The following F13A1 variants were observed in gnomAD, a reference collection of about 807,000 sequenced individuals.
F13A1 encodes coagulation factor XIII A chain.
In F13A1, 47 loss-of-function variants were observed where a neutral mutation model predicts 80.1. The observed-to-expected ratio is 0.59, with a 90% confidence interval of 0.46 to 0.75. The LOEUF (loss-of-function observed/expected upper bound fraction) is 0.75, where lower values mean the gene tolerates loss of function less well. F13A1 is among the 30% of genes least tolerant of loss of function. The probability of loss-of-function intolerance (pLI) is 0.00; values close to 1 mark genes in which losing one functional copy is unlikely to be tolerated. For synonymous variants in F13A1, 349 were observed against 344.9 expected (o/e 1.01, Z -0.13); for missense variants, 817 against 930.4 (o/e 0.88, Z 1.59).
chr6:6,197,096 G>A (rs1761303984), intron 9 of F13A1, 127 bp downstream of exon 9: 1 of 794,180 alleles, frequency 1.3e-6, no homozygotes, highest in Non-Finnish European at 2.2e-6. Context: ...TACTGTACAT[G>A]TGCCCAGGAA....
At chr6:6,166,057 A>G (rs1406817170) in intron 13 of F13A1, among the ~76,000 whole-genome samples, 3 of 152,218 alleles carry the variant, frequency 2.0e-5, no homozygotes, top group Non-Finnish European at 4.4e-5. Flanking sequence ...ACCAGACCAT[A>G]AGAACGTTCA....
At chr6:6,223,587 T>A (rs534266091) in intron 7 of F13A1, among the ~76,000 whole-genome samples, 2 of 152,212 alleles carry the variant, frequency 1.3e-5, no homozygotes, top group African/African-American at 4.8e-5. Flanking sequence ...CCAAGAAATA[T>A]GTATTCCTTC....
intron 4 of F13A1, among the ~76,000 whole-genome samples, chr6:6,264,143 C>T (rs1038271778): frequency 1.3e-5 from 2 of 152,198 alleles, no homozygotes; most frequent in African/African-American, 2.4e-5. Flanking sequence ...ATTAGATTGT[C>T]CACCTCCTGA....
chr6:6,291,490 C>T (rs1410656085), intron 3 of F13A1, among the ~76,000 whole-genome samples: 1 of 152,164 alleles, frequency 6.6e-6, no homozygotes, highest in Non-Finnish European at 1.5e-5. Flanking sequence ...CATTTCCTCA[C>T]ATCTCCTTGA....
At chr6:6,280,328 C>T (rs977882206) in intron 3 of F13A1, among the ~76,000 whole-genome samples, 4 of 152,122 alleles carry the variant, frequency 2.6e-5, no homozygotes, top group Non-Finnish European at 4.4e-5. Flanking sequence ...ACTAATGCCA[C>T]ATGAGAATAA....
chr6:6,311,045 T>C (rs1211115239), intron 2 of F13A1, among the ~76,000 whole-genome samples: 106 of 151,276 alleles, frequency 7.0e-4, no homozygotes, highest in South Asian at 2.7e-3. Context: ...TGTCTTTTTT[T>C]TTTTAAAAAA....
chr6:6,252,781 A>G (rs1178749233), intron 4 of F13A1, among the ~76,000 whole-genome samples: 1 of 152,252 alleles, frequency 6.6e-6, no homozygotes, highest in Non-Finnish European at 1.5e-5. Context: ...TATATGACCA[A>G]TGTGAACCCA....
chr6:6,182,671 G>A (rs1356406107), intron 10 of F13A1, among the ~76,000 whole-genome samples: 1 of 152,184 alleles, frequency 6.6e-6, no homozygotes, highest in Admixed American at 6.5e-5. Context: ...AGCTGCTGTG[G>A]CCATCGTGAG....
chr6:6,237,308 C>T (rs1757426475), intron 6 of F13A1, among the ~76,000 whole-genome samples: 1 of 152,040 alleles, frequency 6.6e-6, no homozygotes, highest in African/African-American at 2.4e-5. Flanking sequence ...GCAGGCATCC[C>T]AGAAAATGCA....
chr6:6,255,951 A>G (rs1356812199), intron 4 of F13A1, among the ~76,000 whole-genome samples: 1 of 152,176 alleles, frequency 6.6e-6, no homozygotes, highest in Non-Finnish European at 1.5e-5. Flanking sequence ...TTGTATCACG[A>G]TGGAAACTCC....
chr6:6,158,086 T>G (rs1291499685), intron 13 of F13A1, among the ~76,000 whole-genome samples: 2 of 152,136 alleles, frequency 1.3e-5, no homozygotes, highest in Admixed American at 1.3e-4. Flanking sequence ...GAGAGTCAGC[T>G]ATGGGAGCAG....
intron 8 of F13A1, among the ~76,000 whole-genome samples, chr6:6,200,415 A>T (rs575439582): frequency 6.6e-6 from 1 of 151,858 alleles, no homozygotes; most frequent in African/African-American, 2.4e-5. Flanking sequence ...AAAGTTAAAG[A>T]AGTTAGCTGA....
At chr6:6,193,714 G>T (rs923857543) in intron 10 of F13A1, among the ~76,000 whole-genome samples, 2 of 152,214 alleles carry the variant, frequency 1.3e-5, no homozygotes, top group African/African-American at 4.8e-5. Context: ...CAGCTTGCTT[G>T]TGGAGGGAGG....
At chr6:6,241,071 A>G (rs73720345) in intron 6 of F13A1, among the ~76,000 whole-genome samples, 40 of 152,312 alleles carry the variant, frequency 2.6e-4, no homozygotes, top group African/African-American at 9.6e-4. Flanking sequence ...TGCAAGGAAC[A>G]CCGGAGGCTT....
intron 8 of F13A1, among the ~76,000 whole-genome samples, chr6:6,209,340 CAG>C (rs1761555559): frequency 7.8e-6 from 1 of 128,540 alleles, no homozygotes; most frequent in African/African-American, 3.1e-5. Flanking sequence ...AAAAAAAAAA[CAG>C]AAAATAAAAG....
chr6:6,212,223 G>A (rs575517863), intron 8 of F13A1, among the ~76,000 whole-genome samples: 1 of 152,336 alleles, frequency 6.6e-6, no homozygotes, highest in East Asian at 1.9e-4. Context: ...ACCTCTGGGG[G>A]CAGGGCACAG....
rs1186125993 is a variant in F13A1 at position 6,145,739 on chromosome 6, T to C, written c.2079A>G (p.Glu693=). 6.2e-7 allele frequency: 1 copy of C among 1,614,076 alleles called. No individual in the cohort carries two copies. Among genetic ancestry groups the C allele is most frequent in the Admixed American group, 1.7e-5 (1 of 60,018 alleles). The part of the protein sequence containing the change: ...EIRPNSTVQW[E]EVCRPWVSGH... ...CAGAGACCCAGGGCCGGCACACTTC[T>C]TCCCACTGCACGGTGGAGTTGGGCC... is the stretch of plus-strand genomic sequence containing the variant. The change falls in exon 15 of 15, where the codon GAA becomes GAG. Residue 693 remains glutamate (E), a synonymous_variant. Transcript: ENST00000264870.
chr6:6,310,869 A>G (rs1758580216), intron 2 of F13A1, among the ~76,000 whole-genome samples: 1 of 152,182 alleles, frequency 6.6e-6, no homozygotes, highest in Non-Finnish European at 1.5e-5. Context: ...GAGCAATGGA[A>G]GTCACAAGGT....
intron 13 of F13A1, among the ~76,000 whole-genome samples, chr6:6,155,763 G>A (rs1442398404): frequency 6.6e-6 from 1 of 152,160 alleles, no homozygotes; most frequent in Non-Finnish European, 1.5e-5. Flanking sequence ...TTTCAGTGAT[G>A]CACCATGCTA....
Sources: allele counts gnomAD v4.1 joint callset (sites outside exome capture counted in the v4.1 genomes callset), GRCh38; gene constraint gnomAD v4.1.1; transcripts MANE v1.5; gene names NCBI Gene and HGNC (gene_info 2026-07-23, HGNC 2026-07-21).